The following NME7 variants were observed in gnomAD, a reference collection of about 807,000 sequenced individuals.
NME7 encodes nucleoside diphosphate kinase 7.
Under a neutral mutation model 49.1 loss-of-function variants are expected in NME7, and 41 were observed. That is an observed-to-expected ratio of 0.83 (90% CI 0.65 to 1.08). The LOEUF is 1.08. Ranked by LOEUF, NME7 falls within the 50% of genes least tolerant of loss-of-function variation. NME7 has a pLI of 0.00. For missense variants in NME7, 423 were observed against 463.4 expected (o/e 0.91, Z 0.80); for synonymous variants, 139 against 150.6 (o/e 0.92, Z 0.56).
intron 11 of NME7, among the ~76,000 whole-genome samples, chr1:169,150,556 C>A (rs1658883391): frequency 6.6e-6 from 1 of 152,074 alleles, no homozygotes. Flanking sequence ...ATGGAACAAG[C>A]TTTTGATTTT....
intron 10 of NME7, among the ~76,000 whole-genome samples, chr1:169,172,294 A>C (rs1170591082): frequency 6.6e-6 from 1 of 151,914 alleles, no homozygotes; most frequent in East Asian, 1.9e-4. Flanking sequence ...AAAACAAAAA[A>C]AAAACAAACC....
At chr1:169,340,034 T>A (rs1243869921) in intron 1 of NME7, among the ~76,000 whole-genome samples, 1 of 145,376 alleles carries the variant, frequency 6.9e-6, no homozygotes, top group Admixed American at 6.9e-5. Flanking sequence ...TCCTGTACCA[T>A]CCCTTGTTAG....
At chr1:169,185,260 TC>T (rs1450587364) in intron 10 of NME7, among the ~76,000 whole-genome samples, 2 of 152,350 alleles carry the variant, frequency 1.3e-5, no homozygotes, top group South Asian at 2.1e-4. Flanking sequence ...AACTTTTTCA[TC>T]TTGCTTGAGC....
chr1:169,195,886 A>G (rs1045725708), intron 10 of NME7, among the ~76,000 whole-genome samples: 2 of 132,270 alleles, frequency 1.5e-5, no homozygotes, highest in African/African-American at 5.1e-5. Flanking sequence ...AGTAAATGGT[A>G]TAGTATGTTT....
intron 7 of NME7, among the ~76,000 whole-genome samples, chr1:169,276,757 C>A (rs1436460708): frequency 1.5e-5 from 2 of 133,480 alleles, no homozygotes; most frequent in Non-Finnish European, 1.8e-5. Flanking sequence ...TCTTGCTTTT[C>A]TAGTTCTTTT....
At chr1:169,360,464 C>T (rs1274580137) in intron 1 of NME7, among the ~76,000 whole-genome samples, 1 of 152,128 alleles carries the variant, frequency 6.6e-6, no homozygotes, top group Non-Finnish European at 1.5e-5. Flanking sequence ...ATGTATAATA[C>T]TACTGCATTT....
At chr1:169,153,063 A>G (rs1184619559) in intron 11 of NME7, among the ~76,000 whole-genome samples, 1 of 152,106 alleles carries the variant, frequency 6.6e-6, no homozygotes, top group Non-Finnish European at 1.5e-5. Context: ...GCTGTATAGA[A>G]ACACTGGTTT....
chr1:169,181,146 C>CTATCTATA (rs1216797332), intron 10 of NME7, among the ~76,000 whole-genome samples: 1 of 147,476 alleles, frequency 6.8e-6, no homozygotes, highest in Non-Finnish European at 1.5e-5. Context: ...ATCTATCTAT[C>CTATCTATA]TATCTATCTA....
chr1:169,155,864 GCA>G (rs1268888609), intron 11 of NME7, among the ~76,000 whole-genome samples: 3 of 151,564 alleles, frequency 2.0e-5, no homozygotes, highest in African/African-American at 7.3e-5. Context: ...AATGGAGAGT[GCA>G]CAGTGTTTTT....
At chr1:169,201,718 A>C (rs1488202399) in intron 10 of NME7, among the ~76,000 whole-genome samples, 2 of 152,076 alleles carry the variant, frequency 1.3e-5, no homozygotes, top group Non-Finnish European at 2.9e-5. Context: ...AAGGAAGGAG[A>C]ATGGGATCTG....
At chr1:169,159,679 TAAGGGCATC>T (rs909976160) in intron 11 of NME7, among the ~76,000 whole-genome samples, 8 of 152,304 alleles carry the variant, frequency 5.3e-5, no homozygotes, top group African/African-American at 1.9e-4. Flanking sequence ...GGATATCCCC[TAAGGGCATC>T]AATTCCTTGG....
In NME7 at chr1:169,253,629, C is replaced by T. The variant is rs552331123; in HGVS notation, c.755-15942G>A. ...ATAGGAGTGGTGAGAGAGGGCATCC[C>T]TGTCTTGTGCCAGTTTTCAAACGGA... On this transcript the variant is annotated intron_variant, in intron 7 of 11. Coordinates refer to ENST00000367811, the MANE Select transcript of NME7 (RefSeq NM_013330.5). 5.5e-3 allele frequency among the ~76,000 whole-genome samples: 845 copies of T among 152,296 alleles called. 5 individuals are homozygous for T. Among genetic ancestry groups the T allele is most frequent in the African/African-American group, 0.02 (812 of 41,568 alleles).
intron 11 of NME7, among the ~76,000 whole-genome samples, chr1:169,147,854 C>T (rs1658803363): frequency 6.6e-6 from 1 of 152,062 alleles, no homozygotes. Context: ...ATCTTTGTGG[C>T]TAAATTAACA....
chr1:169,217,825 T>C (rs1036753820), intron 10 of NME7, among the ~76,000 whole-genome samples: 6 of 152,332 alleles, frequency 3.9e-5, no homozygotes, highest in African/African-American at 1.4e-4. Context: ...CTTCACTGTT[T>C]ACTTCCTCAC....
chr1:169,207,522 T>C (rs2101787923), intron 10 of NME7, among the ~76,000 whole-genome samples: 1 of 152,084 alleles, frequency 6.6e-6, no homozygotes, highest in Non-Finnish European at 1.5e-5. Context: ...CAAAATTAAC[T>C]ACACCTTCAC....
At chr1:169,303,734 G>A (rs1651065088) in intron 4 of NME7, among the ~76,000 whole-genome samples, 1 of 152,110 alleles carries the variant, frequency 6.6e-6, no homozygotes, top group Non-Finnish European at 1.5e-5. Flanking sequence ...TTACAGGCAT[G>A]AGCCACCGCA....
At chr1:169,157,657 G>C (rs1200164) in intron 11 of NME7, among the ~76,000 whole-genome samples, 95,037 of 152,082 alleles carry the variant, frequency 0.62, 30,073 homozygotes, top group East Asian at 0.93. Flanking sequence ...CTGGAGTTCC[G>C]TTGGAAGTGT....
chr1:169,237,796 T>G, intron 7 of NME7, 109 bp from the exon 8 acceptor site: 1 of 691,796 alleles, frequency 1.4e-6, no homozygotes, highest in South Asian at 1.8e-5. Context: ...ACTCTATATT[T>G]AAAAAAACAC....
Position 169,273,764 on chromosome 1 carries a change from A to C in NME7, c.754+13539T>G, listed in dbSNP as rs897040089. On this transcript the variant is annotated intron_variant, in intron 7 of 11. Coordinates refer to ENST00000367811, the MANE Select transcript of NME7 (RefSeq NM_013330.5). ...ACTGAGAATGATGATTTCCAATTTC[A>C]TCCATGTCCCTACAAAGGACATGAA... Among the ~76,000 whole-genome samples, 5 of 122,902 alleles carry C rather than the reference A, an allele frequency of 4.1e-5. No individual in the cohort carries two copies. The Admixed American group carries it at 4.1e-4, about 10-fold the overall frequency. 80.6% of individuals were successfully genotyped at this position (122,902 alleles called of 152,430 possible).
Sources: gnomAD v4.1 joint callset for allele counts (sites outside exome capture counted in the v4.1 genomes callset) on GRCh38, gnomAD v4.1.1 for gene constraint, MANE v1.5 for transcripts, NCBI Gene and HGNC (gene_info 2026-07-23, HGNC 2026-07-21) for gene names.